Variants in AADAT observed in about 807,000 individuals in gnomAD.
AADAT encodes the protein aminoadipate aminotransferase.
In AADAT, 25 loss-of-function variants were observed where a neutral mutation model predicts 56.2. The ratio of observed to expected loss-of-function variants is 0.44; its 90% CI spans 0.32 to 0.62. AADAT has a LOEUF of 0.62. AADAT is among the 20% of genes least tolerant of loss of function. AADAT has a pLI of 0.04. For missense variants in AADAT, 387 were observed against 510.5 expected, an observed-to-expected ratio of 0.76 and a Z score of 2.33; for synonymous variants, 173 against 164.7, an observed-to-expected ratio of 1.05 and a Z score of -0.39.
upstream of AADAT, among the ~76,000 whole-genome samples, chr4:170,092,340 G>A (rs564579850): frequency 5.3e-5 from 8 of 152,354 alleles, no homozygotes; most frequent in South Asian, 2.1e-4. Context: ...CCACAGGGAG[G>A]AGTAAACAAA....
upstream of AADAT, among the ~76,000 whole-genome samples, chr4:170,093,681 G>A (rs751018518): frequency 1.3e-5 from 2 of 152,126 alleles, no homozygotes; most frequent in South Asian, 4.1e-4. Flanking sequence ...CTGCAGCCTC[G>A]TCTTCCCGGG....
At chr4:170,083,273 C>T (rs1052317417) in intron 3 of AADAT, among the ~76,000 whole-genome samples, 2 of 151,964 alleles carry the variant, frequency 1.3e-5, no homozygotes, top group African/African-American at 2.4e-5. Context: ...AATTAAACAA[C>T]GTGCTCCTGA....
intron 4 of AADAT, 146 bp from the exon 5 acceptor site, chr4:170,073,491 T>C (rs1405200646): frequency 4.4e-6 from 3 of 684,368 alleles, no homozygotes; most frequent in South Asian, 4.2e-5. Context: ...CTCCTGAGGG[T>C]TGAGGTTACA....
At chr4:170,078,483 T>G in intron 4 of AADAT, 26 bp downstream of exon 4, 1 of 1,439,202 alleles carries the variant, frequency 6.9e-7, no homozygotes, top group Non-Finnish European at 9.7e-7. Context: ...ACAAGAGAGT[T>G]GCCTTTAGTA....
At chr4:170,062,861 G>C (rs1236054813) in intron 11 of AADAT, among the ~76,000 whole-genome samples, 1 of 152,322 alleles carries the variant, frequency 6.6e-6, no homozygotes, top group East Asian at 1.9e-4. Flanking sequence ...GCAATGAGAT[G>C]TAAGAAACCC....
At chr4:170,092,238 G>A (rs1159484942), upstream of AADAT, among the ~76,000 whole-genome samples, 1 of 152,224 alleles carries the variant, frequency 6.6e-6, no homozygotes, top group East Asian at 1.9e-4. Context: ...TCTTGCTGCT[G>A]CTGACTCTTT....
intron 3 of AADAT, among the ~76,000 whole-genome samples, chr4:170,080,004 G>A (rs746830825): frequency 6.6e-6 from 1 of 152,168 alleles, no homozygotes; most frequent in Non-Finnish European, 1.5e-5. Context: ...GACACTGCAA[G>A]GAAGGGAGGG....
Position 170,078,561 on chromosome 4 carries a change from G to A in AADAT, c.392C>T (p.Pro131Leu). 6.2e-7 allele frequency: 1 copy of A among 1,607,366 alleles called. No homozygotes were observed. Among genetic ancestry groups the A allele is most frequent in the Non-Finnish European group, 8.5e-7 (1 of 1,176,346 alleles). The change falls in exon 4 of 13, where the codon CCT becomes CTT. Residue 131 changes from proline to leucine, a missense_variant. By Grantham distance (98) the Pro-to-Leu change is moderately conservative. Coordinates refer to ENST00000337664, the MANE Select transcript of AADAT (RefSeq NM_016228.4). ...LCKVFEMIINPGDNVLLDEPA... is the reference protein window; with the variant it reads ...LCKVFEMIINLGDNVLLDEPA... ...TTCATCTAGGAGGACATTATCTCCA[G>A]GATTAATGATCATTTCAAACACCTA... is the stretch of plus-strand genomic sequence containing the variant.
At chr4:170,085,213 G>C (rs1486072557) in intron 3 of AADAT, among the ~76,000 whole-genome samples, 1 of 152,132 alleles carries the variant, frequency 6.6e-6, no homozygotes, top group African/African-American at 2.4e-5. Context: ...GTAGCCTATT[G>C]GTAGTTATGT....
At chr4:170,088,708 C>A in intron 1 of AADAT, 144 bp from the exon 2 acceptor site, 1 of 820,576 alleles carries the variant, frequency 1.2e-6, no homozygotes. Context: ...TTGGTGCTCC[C>A]CCAGATTCAT....
In AADAT at chr4:170,060,879, T is replaced by C. The variant is rs1435776736; in HGVS notation, c.*49A>G. The C allele has an allele frequency of 2.1e-6, 3 of 1,452,868 alleles. No homozygotes were observed. The African/African-American group carries it at 4.3e-5, about 21-fold the overall frequency. 90.0% of individuals were successfully genotyped at this position (1,452,868 alleles called of 1,614,324 possible). On this transcript the variant is annotated 3_prime_UTR_variant, in exon 13 of 13. Transcript: ENST00000337664. ...ATCCTCCCTCCTCTGCCTCCCAAAG[T>C]GCTGGGATTATAGGTGTGAGCCACC...
At chr4:170,062,041 C>A in intron 11 of AADAT, 48 bp from the exon 12 acceptor site, 1 of 1,322,218 alleles carries the variant, frequency 7.6e-7, no homozygotes, top group South Asian at 1.3e-5. Flanking sequence ...AAGAAAAACT[C>A]AAAGATAATA....
chr4:170,081,452 A>C lies in AADAT; in HGVS notation c.370-2869T>G, dbSNP rs149136570. ...GAGATAAATATCCAGGCCACAGAAG[A>C]AGGTCTGAGAACATCAAACAGATTC... On this transcript the variant is annotated intron_variant, in intron 3 of 12. Coordinates refer to ENST00000337664, the MANE Select transcript of AADAT (RefSeq NM_016228.4). Among the ~76,000 whole-genome samples, 692 of 152,312 alleles carry C rather than the reference A, an allele frequency of 4.5e-3. 2 individuals carry two copies. Among genetic ancestry groups the C allele is most frequent in the African/African-American group, 0.014 (592 of 41,570 alleles).
At chr4:170,090,760 A>G (rs1732789647), upstream of AADAT, among the ~76,000 whole-genome samples, 1 of 152,152 alleles carries the variant, frequency 6.6e-6, no homozygotes, top group Non-Finnish European at 1.5e-5. Context: ...AATGGAATGT[A>G]CAAGGTTTAA....
chr4:170,068,436 C>T (rs1731590244), intron 8 of AADAT, among the ~76,000 whole-genome samples, 155 bp downstream of exon 8: 1 of 152,106 alleles, frequency 6.6e-6, no homozygotes, highest in Non-Finnish European at 1.5e-5. Context: ...AAAATGCATT[C>T]CAACCCATTT....
chr4:170,070,209 A>T (rs1731692606), intron 6 of AADAT, among the ~76,000 whole-genome samples: 1 of 151,772 alleles, frequency 6.6e-6, no homozygotes, highest in Non-Finnish European at 1.5e-5. Flanking sequence ...AAGACACAGA[A>T]GTCAACGGCC....
intron 4 of AADAT, among the ~76,000 whole-genome samples, chr4:170,076,527 A>T (rs1401124131): frequency 6.6e-6 from 1 of 152,084 alleles, no homozygotes; most frequent in Non-Finnish European, 1.5e-5. Flanking sequence ...CTTCAGACTA[A>T]TGTCTATTTA....
chr4:170,073,750 T>C (rs1378805032), intron 4 of AADAT, among the ~76,000 whole-genome samples: 8 of 152,226 alleles, frequency 5.3e-5, no homozygotes, highest in East Asian at 3.9e-4. Flanking sequence ...CCGCCCGCCT[T>C]GGCCTCCCAA....
intron 3 of AADAT, among the ~76,000 whole-genome samples, chr4:170,086,354 G>A (rs888854208): frequency 2.0e-5 from 3 of 152,038 alleles, no homozygotes; most frequent in Admixed American, 6.5e-5. Flanking sequence ...TGGAGTTCCC[G>A]GAACCCAGAA....
Sources: allele counts gnomAD v4.1 joint callset (sites outside exome capture counted in the v4.1 genomes callset), GRCh38; gene constraint gnomAD v4.1.1; transcripts MANE v1.5; gene names NCBI Gene and HGNC (gene_info 2026-07-23, HGNC 2026-07-21).